Variants in TNFRSF10B observed in about 807,000 individuals in gnomAD.
TNFRSF10B encodes tumor necrosis factor receptor superfamily member 10B.
A neutral mutation model predicts 41.4 loss-of-function variants in TNFRSF10B; 35 were observed. The ratio of observed to expected loss-of-function variants is 0.85; its 90% confidence interval spans 0.65 to 1.12. The LOEUF (loss-of-function observed/expected upper bound fraction) is 1.12, where lower values mean the gene tolerates loss of function less well. Among genes scored for constraint, TNFRSF10B ranks in the 50% most tolerant of loss-of-function variants. TNFRSF10B has a pLI of 0.00. For missense variants in TNFRSF10B, 584 were observed against 552.7 expected, an observed-to-expected ratio of 1.06 and a Z score of -0.57; for synonymous variants, 230 against 215.5, an observed-to-expected ratio of 1.07 and a Z score of -0.59.
chr8:23,042,119 T>C (rs59708876), intron 2 of TNFRSF10B, among the ~76,000 whole-genome samples: 5,446 of 152,254 alleles, frequency 0.036, 326 homozygotes, highest in African/African-American at 0.12. Context: ...ATGTCTTGAG[T>C]CCTTCCTATT....
chr8:23,059,043 TCTA>T (rs539606069), intron 1 of TNFRSF10B, among the ~76,000 whole-genome samples: 303 of 152,274 alleles, frequency 2.0e-3, no homozygotes, highest in African/African-American at 7.1e-3. Flanking sequence ...CATCCAACAT[TCTA>T]CTGTTGGTTT....
At chr8:23,055,878 T>G (rs147965801) in intron 1 of TNFRSF10B, among the ~76,000 whole-genome samples, 1 of 152,242 alleles carries the variant, frequency 6.6e-6, no homozygotes, top group Non-Finnish European at 1.5e-5. Flanking sequence ...TAATCACTTA[T>G]GTCTTTAGAT....
At chr8:23,047,918 A>G (rs750894239) in intron 1 of TNFRSF10B, among the ~76,000 whole-genome samples, 1 of 152,248 alleles carries the variant, frequency 6.6e-6, no homozygotes, top group Non-Finnish European at 1.5e-5. Context: ...TGTTCATTGC[A>G]GCTCTATTTA....
chr8:23,065,418 T>C (rs377427555), intron 1 of TNFRSF10B, among the ~76,000 whole-genome samples: 2 of 152,304 alleles, frequency 1.3e-5, no homozygotes, highest in South Asian at 4.1e-4. Context: ...TGGAGGACTC[T>C]GGATCCTTGC....
intron 1 of TNFRSF10B, among the ~76,000 whole-genome samples, chr8:23,048,451 A>C (rs1230864916): frequency 3.3e-5 from 5 of 151,704 alleles, no homozygotes; most frequent in Middle Eastern, 3.2e-3. Flanking sequence ...AAAAAAAAAA[A>C]AAAAACAACT....
chr8:23,037,581 T>C (rs1050044638), intron 2 of TNFRSF10B, among the ~76,000 whole-genome samples: 1 of 152,220 alleles, frequency 6.6e-6, no homozygotes, highest in South Asian at 2.1e-4. Flanking sequence ...TTGCTTCTGA[T>C]TGAGGGACTC....
At position 23,052,860 on chromosome 8, in the gene TNFRSF10B, TG is replaced by T. The variant is rs1812564554; in HGVS notation, c.145-9618del. On this transcript the variant is annotated intron_variant, in intron 1 of 8. Transcript: ENST00000276431. ...GGACTGTTAAATTCTAGATACGGCC[TG>T]GGGACATGTGAAATTAGCCATGTCC... is the stretch of plus-strand genomic sequence containing the variant. 4.6e-5 allele frequency among the ~76,000 whole-genome samples: 7 copies of T among 152,324 alleles called. No individual in the cohort carries two copies. The South Asian group carries it at 1.4e-3, about 32-fold the overall frequency.
rs372732199 is a variant in TNFRSF10B, at chr8:23,024,224, G to A, written c.973C>T (p.Leu325=). 12 of 1,613,992 alleles carry A rather than the reference G, an allele frequency of 7.4e-6. No individual in the cohort carries two copies. The highest frequency in any genetic ancestry group is 2.7e-5 in the African/African-American group (2 of 74,900). ...AEAERSQRRR[L]LVPANEGDPT... ...TCACCTTCATTTGCTGGAACCAGCA[G>A]CCTCCTCCTCTGAGACCTTTCAGCT... Residue 325 remains leucine, a synonymous_variant, in exon 8 of 9, where the codon CTG becomes TTG. Coordinates refer to ENST00000276431, the MANE Select transcript of TNFRSF10B (RefSeq NM_003842.5).
intron 1 of TNFRSF10B, among the ~76,000 whole-genome samples, chr8:23,060,267 C>A (rs1211918760): frequency 6.6e-6 from 1 of 152,184 alleles, no homozygotes; most frequent in African/African-American, 2.4e-5. Context: ...AGTTCTATAG[C>A]TTTAGCACTT....
At chr8:23,029,585 T>C (rs1329972737) in intron 4 of TNFRSF10B, 25 bp downstream of exon 4, 1 of 1,590,236 alleles carries the variant, frequency 6.3e-7, no homozygotes, top group South Asian at 1.1e-5. Context: ...ATGGAGCTAC[T>C]GGGAGCCCCC....
intron 5 of TNFRSF10B, 158 bp from the exon 6 acceptor site, chr8:23,027,911 C>T: frequency 1.3e-6 from 1 of 788,426 alleles, no homozygotes; most frequent in Non-Finnish European, 2.1e-6. Context: ...CAGAGACACC[C>T]TGAGGAAGGG....
intron 8 of TNFRSF10B, 27 bp downstream of exon 8, chr8:23,024,161 C>A (rs1265424690): frequency 6.2e-7 from 1 of 1,613,852 alleles, no homozygotes; most frequent in East Asian, 2.2e-5. Flanking sequence ...TCCATTCCTG[C>A]TGCATCTCCA....
At chr8:23,059,025 A>G (rs777028229) in intron 1 of TNFRSF10B, among the ~76,000 whole-genome samples, 1 of 152,068 alleles carries the variant, frequency 6.6e-6, no homozygotes, top group Non-Finnish European at 1.5e-5. Context: ...CCTCCTTACA[A>G]CCGCTGGCAT....
intron 1 of TNFRSF10B, among the ~76,000 whole-genome samples, chr8:23,048,645 T>C (rs1812434487): frequency 6.6e-6 from 1 of 152,202 alleles, no homozygotes. Flanking sequence ...GCTAAAAGAA[T>C]AAATTTCAAA....
chr8:23,044,507 A>C (rs925341874), intron 1 of TNFRSF10B, among the ~76,000 whole-genome samples: 23 of 152,328 alleles, frequency 1.5e-4, no homozygotes, highest in African/African-American at 5.3e-4. Flanking sequence ...GAAATGAACA[A>C]AGAACTTGAA....
rs1019495049 is a variant in TNFRSF10B at position 23,047,221 on chromosome 8, G to A, written c.145-3978C>T. ...AAAAATACAAAATTAGCTGGGCATG[G>A]TGGCATGCACCGGTAATCCCAGCTA... On this transcript the variant is annotated intron_variant, in intron 1 of 8. Coordinates refer to ENST00000276431, the MANE Select transcript of TNFRSF10B (RefSeq NM_003842.5). 6.6e-5 allele frequency among the ~76,000 whole-genome samples: 10 copies of A among 152,242 alleles called. 1 individual carries two copies. The highest frequency in any genetic ancestry group is 2.4e-4 in the African/African-American group (10 of 41,544).
At chr8:23,049,462 G>A (rs1190322414) in intron 1 of TNFRSF10B, among the ~76,000 whole-genome samples, 1 of 152,180 alleles carries the variant, frequency 6.6e-6, no homozygotes, top group African/African-American at 2.4e-5. Context: ...GATTTAGCAG[G>A]AGACAAGATA....
At chr8:23,027,336 C>G in intron 6 of TNFRSF10B, 48 bp from the exon 7 acceptor site, 2 of 1,611,652 alleles carry the variant, frequency 1.2e-6, no homozygotes, top group Non-Finnish European at 8.5e-7. Flanking sequence ...GGAGTCCACA[C>G]CTAGGGCTCG....
At chr8:23,030,598 C>G (rs1356591664) in intron 3 of TNFRSF10B, among the ~76,000 whole-genome samples, 161 bp downstream of exon 3, 1 of 152,072 alleles carries the variant, frequency 6.6e-6, no homozygotes, top group Non-Finnish European at 1.5e-5. Context: ...TGTGCCGGGC[C>G]TGTTTTATTT....
Sources: gnomAD v4.1 joint callset for allele counts (sites outside exome capture counted in the v4.1 genomes callset) on GRCh38, gnomAD v4.1.1 for gene constraint, MANE v1.5 for transcripts, NCBI Gene and HGNC (gene_info 2026-07-23, HGNC 2026-07-21) for gene names.